The following ABHD2 variants were observed in gnomAD, a reference collection of about 807,000 sequenced individuals.
The protein encoded by ABHD2 is monoacylglycerol lipase ABHD2.
Under a neutral mutation model 48.1 loss-of-function variants are expected in ABHD2, and 20 were observed. The observed-to-expected ratio is 0.42, with a 90% CI of 0.29 to 0.60. The LOEUF (loss-of-function observed/expected upper bound fraction) is 0.60, where lower values mean the gene tolerates loss of function less well. Among genes scored for constraint, ABHD2 ranks in the 20% least tolerant of loss-of-function variants. ABHD2 has a pLI of 0.24. For synonymous variants in ABHD2, 209 were observed against 214.2 expected, an observed-to-expected ratio of 0.98 and a Z score of 0.21; for missense variants, 405 against 550.9, an observed-to-expected ratio of 0.74 and a Z score of 2.65.
chr15:89,201,742 T>G lies in ABHD2; in HGVS notation c.*6319T>G. On this transcript the variant is annotated 3_prime_UTR_variant, in exon 11 of 11. Coordinates refer to ENST00000352732, the MANE Select transcript of ABHD2 (RefSeq NM_152924.5). ...AAGGGGCCTTTGAATTTGAGGTCTA[T>G]GGGCGGGTCGAGGACCAGGATCTGC... The G allele has an allele frequency of 6.3e-7, 1 of 1,577,918 alleles. No individual in the cohort carries two copies. Among genetic ancestry groups the G allele is most frequent in the South Asian group, 1.1e-5 (1 of 90,326 alleles).
chr15:89,074,095 C>A, the ABHD2 span, among the ~76,000 whole-genome samples: 1 of 152,026 alleles, frequency 6.6e-6, no homozygotes, highest in African/African-American at 2.4e-5. Context: ...TCACCTGGGC[C>A]GGGCATGGTG....
intron 6 of ABHD2, among the ~76,000 whole-genome samples, chr15:89,180,794 GC>G (rs1448717021): frequency 6.6e-6 from 1 of 152,150 alleles, no homozygotes; most frequent in Non-Finnish European, 1.5e-5. Flanking sequence ...CTCTTACAGT[GC>G]CCAAATTAGA....
At chr15:89,111,661 A>G (rs2049877011) in intron 1 of ABHD2, among the ~76,000 whole-genome samples, 1 of 152,224 alleles carries the variant, frequency 6.6e-6, no homozygotes, top group East Asian at 1.9e-4. Flanking sequence ...CCCAAAAATT[A>G]GATCTACCCC....
At chr15:89,057,361 C>A in the ABHD2 span, among the ~76,000 whole-genome samples, 1 of 152,206 alleles carries the variant, frequency 6.6e-6, no homozygotes, top group South Asian at 2.1e-4. Context: ...TTCATCTCCA[C>A]TTCCCTTTGG....
chr15:89,122,585 A>G (rs961343579), intron 3 of ABHD2, among the ~76,000 whole-genome samples: 1 of 152,098 alleles, frequency 6.6e-6, no homozygotes, highest in Middle Eastern at 3.2e-3. Context: ...CTGGAAGAAG[A>G]TGGATTGCTT....
At chr15:89,098,440 TG>T (rs2049648911) in intron 1 of ABHD2, among the ~76,000 whole-genome samples, 1 of 152,132 alleles carries the variant, frequency 6.6e-6, no homozygotes, top group Admixed American at 6.5e-5. Context: ...GGAGTTTCCC[TG>T]GGGCCTGAAC....
In ABHD2 at chr15:89,179,077, T is replaced by C. The variant is rs77850843; in HGVS notation, c.722+3082T>C. ...ACAAAGCCACAAAGCAACAAATACATGTTACTAAGATATTACACATTTAGG... is the reference window on the plus strand; with the variant it reads ...ACAAAGCCACAAAGCAACAAATACACGTTACTAAGATATTACACATTTAGG... On this transcript the variant is annotated intron_variant, in intron 6 of 10. Coordinates refer to ENST00000352732, the MANE Select transcript of ABHD2 (RefSeq NM_152924.5). The surrounding 1 kb of genome is among the most constrained non-coding windows in gnomAD (Gnocchi z 4.3). Among the ~76,000 whole-genome samples, 1,382 of 152,304 alleles carry C rather than the reference T, an allele frequency of 9.1e-3. 20 individuals are homozygous for C. The highest frequency in any genetic ancestry group is 0.025 in the African/African-American group (1,035 of 41,550).
the ABHD2 span, among the ~76,000 whole-genome samples, chr15:89,042,575 C>A: frequency 7.0e-6 from 1 of 142,694 alleles, no homozygotes. Flanking sequence ...ATTTCCTTTT[C>A]TTTCTTTCTT....
At chr15:89,113,300 T>C (rs1411089346) in intron 1 of ABHD2, among the ~76,000 whole-genome samples, 2 of 152,250 alleles carry the variant, frequency 1.3e-5, no homozygotes, top group East Asian at 1.9e-4. Flanking sequence ...TATTTTTTTC[T>C]GTCCCTGCTG....
chr15:89,175,766 A>G lies in ABHD2; in HGVS notation c.539-46A>G, dbSNP rs1311488536. Reference sequence around the variant, plus strand: ...GTTCCAGCTTGCATTTTCTCCAGATAGGATGCACCTGAAATGATTGAGCAA... The same window carrying G: ...GTTCCAGCTTGCATTTTCTCCAGATGGGATGCACCTGAAATGATTGAGCAA... On this transcript the variant is annotated intron_variant, in intron 5 of 10. Coordinates refer to ENST00000352732, the MANE Select transcript of ABHD2 (RefSeq NM_152924.5). This position sits in a 1 kb window ranked among gnomAD's most constrained non-coding sequence, Gnocchi z 5.7. 3 of 1,607,848 alleles carry G rather than the reference A, an allele frequency of 1.9e-6. No homozygotes were observed. The highest frequency in any genetic ancestry group is 2.6e-6 in the Non-Finnish European group (3 of 1,176,384).
At chr15:89,080,851 C>T in the ABHD2 span, among the ~76,000 whole-genome samples, 1 of 151,826 alleles carries the variant, frequency 6.6e-6, no homozygotes, top group Non-Finnish European at 1.5e-5. Flanking sequence ...TGAGCCACCA[C>T]ACCTGGCCCA....
At chr15:89,157,882 A>C (rs2050700303) in intron 5 of ABHD2, among the ~76,000 whole-genome samples, 1 of 151,978 alleles carries the variant, frequency 6.6e-6, no homozygotes, top group South Asian at 2.1e-4. Context: ...GAATGTCCAG[A>C]TTTACAGATA....
chr15:89,127,714 TATATACAC>T (rs1319873708), intron 3 of ABHD2, among the ~76,000 whole-genome samples: 17 of 85,542 alleles, frequency 2.0e-4, no homozygotes, highest in South Asian at 1.0e-3. Context: ...TACATATATA[TATATACAC>T]ATATATATAT....
intron 1 of ABHD2, among the ~76,000 whole-genome samples, chr15:89,112,261 G>C (rs1028977005): frequency 6.6e-6 from 1 of 152,162 alleles, no homozygotes; most frequent in African/African-American, 2.4e-5. Flanking sequence ...GTTTCCAAGA[G>C]AAACCAGAAA....
At position 89,106,761 on chromosome 15, in the gene ABHD2, A is replaced by G. The variant is rs1468330737; in HGVS notation, c.-106-6964A>G. Among the ~76,000 whole-genome samples, 2 of 152,160 alleles carry G rather than the reference A, an allele frequency of 1.3e-5. No individual in the cohort carries two copies. The highest frequency in any genetic ancestry group is 4.8e-5 in the African/African-American group (2 of 41,434). On this transcript the variant is annotated intron_variant, in intron 1 of 10. Transcript: ENST00000352732. The surrounding 1 kb of genome is among the most constrained non-coding windows in gnomAD (Gnocchi z 4.2). The stretch of plus-strand genomic sequence containing the variant: ...GTCATGTTGCCCACATTTAAGGTTG[A>G]CCACTTTTATCTGGTGTAGCAAGTT...
At chr15:89,178,611 G>T (rs890800072) in intron 6 of ABHD2, among the ~76,000 whole-genome samples, 1 of 152,210 alleles carries the variant, frequency 6.6e-6, no homozygotes, top group African/African-American at 2.4e-5. Flanking sequence ...CCACCCGCTT[G>T]CTGTAGTTAG....
chr15:89,077,985 T>A, the ABHD2 span, among the ~76,000 whole-genome samples: 1 of 152,192 alleles, frequency 6.6e-6, no homozygotes, highest in Non-Finnish European at 1.5e-5. Flanking sequence ...GATGTCATAT[T>A]TTCCCTTTCC....
intron 3 of ABHD2, among the ~76,000 whole-genome samples, chr15:89,147,747 C>A (rs2050518926): frequency 6.6e-6 from 1 of 151,674 alleles, no homozygotes; most frequent in South Asian, 2.1e-4. Flanking sequence ...TGTTATATAA[C>A]CATAAAAGAT....
upstream of ABHD2, among the ~76,000 whole-genome samples, chr15:89,086,096 A>G (rs1901339398): frequency 6.6e-6 from 1 of 151,960 alleles, no homozygotes; most frequent in Admixed American, 6.6e-5. Context: ...GCAGTGGTGC[A>G]ATCTCACTGC....
Sources: allele counts gnomAD v4.1 joint callset (sites outside exome capture counted in the v4.1 genomes callset), GRCh38; gene constraint gnomAD v4.1.1; non-coding constraint Gnocchi (gnomAD v3.1); transcripts MANE v1.5; gene names NCBI Gene and HGNC (gene_info 2026-07-23, HGNC 2026-07-21).